Variants in PABPC4L observed in about 807,000 individuals in gnomAD.
PABPC4L encodes poly(A) binding protein cytoplasmic 4 like.
For missense variants in PABPC4L, 452 were observed against 451.4 expected (o/e 1.00, Z -0.01); for synonymous variants, 169 against 164.1 (o/e 1.03, Z -0.23).
the PABPC4L span, among the ~76,000 whole-genome samples, chr4:134,175,750 G>T: frequency 6.6e-6 from 1 of 152,120 alleles, no homozygotes; most frequent in African/African-American, 2.4e-5. Context: ...TGCCTGGTCT[G>T]ATCTGACAGT....
the PABPC4L span, among the ~76,000 whole-genome samples, chr4:133,978,553 CTGTG>C: frequency 2.7e-5 from 4 of 148,856 alleles, no homozygotes; most frequent in Non-Finnish European, 4.5e-5. Flanking sequence ...GAGGTGGAGG[CTGTG>C]TGTGTGTGTG....
At chr4:134,154,585 A>T in the PABPC4L span, among the ~76,000 whole-genome samples, 4 of 152,266 alleles carry the variant, frequency 2.6e-5, no homozygotes, top group Non-Finnish European at 5.9e-5. Flanking sequence ...TTGGACAATC[A>T]GAAGAATAAA....
the PABPC4L span, among the ~76,000 whole-genome samples, chr4:134,134,346 T>C: frequency 6.6e-6 from 1 of 152,020 alleles, no homozygotes; most frequent in East Asian, 1.9e-4. Flanking sequence ...GTTGCATATA[T>C]TTATCTGTTA....
the PABPC4L span, among the ~76,000 whole-genome samples, chr4:134,110,933 G>A: frequency 6.6e-5 from 10 of 151,860 alleles, no homozygotes; most frequent in South Asian, 2.1e-4. Context: ...ATACAAATAC[G>A]TATGTGTATA....
the PABPC4L span, among the ~76,000 whole-genome samples, chr4:134,005,602 C>A: frequency 1.3e-5 from 2 of 151,794 alleles, no homozygotes; most frequent in Admixed American, 6.6e-5. Flanking sequence ...CACATTAATT[C>A]ATTCATTCAC....
At chr4:133,958,569 G>C in the PABPC4L span, among the ~76,000 whole-genome samples, 1 of 152,152 alleles carries the variant, frequency 6.6e-6, no homozygotes, top group Non-Finnish European at 1.5e-5. Flanking sequence ...CTGCTATGAA[G>C]AAATACCCAA....
the PABPC4L span, among the ~76,000 whole-genome samples, chr4:133,953,424 A>G: frequency 1.3e-5 from 2 of 152,212 alleles, no homozygotes; most frequent in East Asian, 3.9e-4. Flanking sequence ...CATTCCGTCT[A>G]TCAATCTTTT....
At chr4:134,020,165 C>T in the PABPC4L span, among the ~76,000 whole-genome samples, 7 of 152,018 alleles carry the variant, frequency 4.6e-5, no homozygotes, top group East Asian at 1.9e-4. Context: ...AGGGTGAGTC[C>T]GCAGTGCAAA....
the PABPC4L span, among the ~76,000 whole-genome samples, chr4:133,962,708 CA>C: frequency 6.6e-6 from 1 of 152,124 alleles, no homozygotes; most frequent in African/African-American, 2.4e-5. Flanking sequence ...TTAGCCTCCT[CA>C]AACAAAACAA....
At chr4:133,982,539 T>C in the PABPC4L span, among the ~76,000 whole-genome samples, 1 of 152,036 alleles carries the variant, frequency 6.6e-6, no homozygotes, top group Admixed American at 6.6e-5. Context: ...ATTATCAAAT[T>C]CCTTATATAA....
At chr4:134,018,945 GACTC>G in the PABPC4L span, among the ~76,000 whole-genome samples, 14 of 152,156 alleles carry the variant, frequency 9.2e-5, no homozygotes, top group Non-Finnish European at 1.3e-4. Flanking sequence ...TAAAATGCTT[GACTC>G]ACTCCTGACA....
At chr4:133,983,537 G>T in the PABPC4L span, among the ~76,000 whole-genome samples, 1 of 151,802 alleles carries the variant, frequency 6.6e-6, no homozygotes, top group African/African-American at 2.4e-5. Context: ...ATAATTAAAT[G>T]AGAATCTAAG....
At chr4:134,004,288 A>AACAGGAAAAAAAATACGTAATC in the PABPC4L span, among the ~76,000 whole-genome samples, 4 of 151,918 alleles carry the variant, frequency 2.6e-5, no homozygotes. Flanking sequence ...CAAACAATTC[A>AACAGGAAAAAAAATACGTAATC]ACAGGAAAAA....
chr4:134,020,849 A>T, the PABPC4L span, among the ~76,000 whole-genome samples: 1 of 152,138 alleles, frequency 6.6e-6, no homozygotes, highest in African/African-American at 2.4e-5. Context: ...TAATATAGTT[A>T]TATATAATTG....
At chr4:134,068,910 A>G in the PABPC4L span, among the ~76,000 whole-genome samples, 2 of 151,942 alleles carry the variant, frequency 1.3e-5, no homozygotes, top group East Asian at 3.9e-4. Context: ...AGGTTTCACC[A>G]TTTTGGCCAG....
the PABPC4L span, among the ~76,000 whole-genome samples, chr4:134,026,202 G>A: frequency 6.6e-6 from 1 of 151,542 alleles, no homozygotes; most frequent in Admixed American, 6.6e-5. Flanking sequence ...TACAAGAATA[G>A]CTGAAATATT....
chr4:134,142,758 C>T, the PABPC4L span, among the ~76,000 whole-genome samples: 1 of 151,544 alleles, frequency 6.6e-6, no homozygotes, highest in Non-Finnish European at 1.5e-5. Context: ...AACACTCAAA[C>T]ATACCTCTTA....
the PABPC4L span, among the ~76,000 whole-genome samples, chr4:134,022,105 A>G: frequency 6.6e-5 from 10 of 152,248 alleles, no homozygotes; most frequent in East Asian, 1.9e-3. Flanking sequence ...TACTTTTGAT[A>G]GGTTACAATT....
the PABPC4L span, among the ~76,000 whole-genome samples, chr4:134,029,285 A>C: frequency 6.6e-6 from 1 of 152,016 alleles, no homozygotes; most frequent in African/African-American, 2.4e-5. Flanking sequence ...TATGGTTCCA[A>C]GAAGGTCTGG....
Sources: gnomAD v4.1 joint callset for allele counts (sites outside exome capture counted in the v4.1 genomes callset) on GRCh38, gnomAD v4.1.1 for gene constraint, MANE v1.5 for transcripts, NCBI Gene and HGNC (gene_info 2026-07-23, HGNC 2026-07-21) for gene names.